FGFR2: variants seen among roughly 807,000 people sequenced by gnomAD.
FGFR2 encodes BEK fibroblast growth factor receptor.
Under a neutral mutation model 95.9 loss-of-function variants are expected in FGFR2, and 19 were observed. The ratio of observed to expected loss-of-function variants is 0.20; its 90% CI spans 0.14 to 0.29. FGFR2 has a LOEUF of 0.29. Ranked by LOEUF, FGFR2 falls within the 10% of genes least tolerant of loss-of-function variation. FGFR2 has a pLI of 1.00. For missense variants in FGFR2, 707 were observed against 1,056.9 expected, an observed-to-expected ratio of 0.67 and a Z score of 4.59; for synonymous variants, 392 against 393.3, an observed-to-expected ratio of 1.00 and a Z score of 0.04.
intron 5 of FGFR2, 55 bp from the exon 6 acceptor site, chr10:121,538,770 G>C (rs2134612116): frequency 6.2e-7 from 1 of 1,611,192 alleles, no homozygotes; most frequent in Non-Finnish European, 8.5e-7. Context: ...AGAATACCAA[G>C]TACTGTGCTT....
chr10:121,490,439 T>C (rs553432900), intron 13 of FGFR2, among the ~76,000 whole-genome samples: 2 of 152,270 alleles, frequency 1.3e-5, no homozygotes, highest in South Asian at 2.1e-4. Flanking sequence ...ACTGGGATTA[T>C]AGGCGTGAGC....
At chr10:121,529,019 C>A (rs1044456941) in intron 6 of FGFR2, among the ~76,000 whole-genome samples, 1 of 152,176 alleles carries the variant, frequency 6.6e-6, no homozygotes, top group Non-Finnish European at 1.5e-5. Context: ...CTCTGCCTCC[C>A]GGGTACAAGC....
At chr10:121,580,790 T>C (rs1860733181) in intron 2 of FGFR2, among the ~76,000 whole-genome samples, 1 of 152,276 alleles carries the variant, frequency 6.6e-6, no homozygotes, top group South Asian at 2.1e-4. Flanking sequence ...TCTTCCCTGC[T>C]CCAAACCGCA....
At chr10:121,503,360 A>G (rs1463152954) in intron 10 of FGFR2, among the ~76,000 whole-genome samples, 1 of 152,256 alleles carries the variant, frequency 6.6e-6, no homozygotes, top group Non-Finnish European at 1.5e-5. Context: ...GAGAACAGCA[A>G]CACTGGGTAG....
At chr10:121,549,496 C>A (rs1855056442) in intron 5 of FGFR2, among the ~76,000 whole-genome samples, 1 of 152,210 alleles carries the variant, frequency 6.6e-6, no homozygotes, top group Non-Finnish European at 1.5e-5. Context: ...CGGTGATCCC[C>A]TTGTCTCCTG....
chr10:121,509,411 G>T (rs1248427129), intron 9 of FGFR2, among the ~76,000 whole-genome samples: 1 of 123,936 alleles, frequency 8.1e-6, no homozygotes. Context: ...GGGAGATTAA[G>T]TGAGGAAGTG....
Position 121,531,838 on chromosome 10 carries a change from G to A in FGFR2, c.748+6754C>T, listed in dbSNP as rs1330735434. Reference sequence around the variant, plus strand: ...ACCCTTAGGGGTTGTCTGTGACAGCGATGGTTTATAAGAACAGGATGAGAT... The same window carrying A: ...ACCCTTAGGGGTTGTCTGTGACAGCAATGGTTTATAAGAACAGGATGAGAT... On this transcript the variant is annotated intron_variant, in intron 6 of 17. Transcript: ENST00000358487. This position sits in a 1 kb window ranked among gnomAD's most constrained non-coding sequence, Gnocchi z 4.5. 1.3e-5 allele frequency among the ~76,000 whole-genome samples: 2 copies of A among 152,174 alleles called. No homozygotes were observed. Among genetic ancestry groups the A allele is most frequent in the African/African-American group, 4.8e-5 (2 of 41,452 alleles).
chr10:121,517,309 C>T lies in FGFR2; in HGVS notation c.1084+10G>A. 1 of 1,614,086 alleles carries T rather than the reference C, an allele frequency of 6.2e-7. No individual in the cohort carries two copies. Among genetic ancestry groups the T allele is most frequent in the Non-Finnish European group, 8.5e-7 (1 of 1,179,978 alleles). On this transcript the variant is annotated intron_variant, in intron 8 of 17. Coordinates refer to ENST00000358487, the MANE Select transcript of FGFR2 (RefSeq NM_000141.5). The surrounding 1 kb of genome is among the most constrained non-coding windows in gnomAD (Gnocchi z 4.7). Reference sequence around the variant, plus strand: ...GGGAAAAAAACCCAGAGAGAAAGAACAGTATATACCTGGCAGAACTGTCAA... The same window carrying T: ...GGGAAAAAAACCCAGAGAGAAAGAATAGTATATACCTGGCAGAACTGTCAA...
At chr10:121,521,786 C>T (rs1387072166) in intron 6 of FGFR2, among the ~76,000 whole-genome samples, 2 of 152,266 alleles carry the variant, frequency 1.3e-5, no homozygotes, top group African/African-American at 4.8e-5. Flanking sequence ...ACAGAACTAC[C>T]CTAAGATCCT....
At chr10:121,578,051 A>G (rs2135314228) in intron 2 of FGFR2, among the ~76,000 whole-genome samples, 1 of 152,172 alleles carries the variant, frequency 6.6e-6, no homozygotes, top group South Asian at 2.1e-4. Flanking sequence ...TACAGGCAAA[A>G]CTGCATCCCA....
At chr10:121,490,607 A>C (rs968334655) in intron 13 of FGFR2, among the ~76,000 whole-genome samples, 6 of 152,156 alleles carry the variant, frequency 3.9e-5, no homozygotes, top group Non-Finnish European at 7.4e-5. Context: ...ATAAGACACA[A>C]AGAAGCAAAT....
chr10:121,524,144 A>ATC (rs1850988411), intron 6 of FGFR2, among the ~76,000 whole-genome samples: 1 of 129,168 alleles, frequency 7.7e-6, no homozygotes, highest in South Asian at 2.5e-4. Context: ...ACACACACAC[A>ATC]CACCCCAAGT....
chr10:121,533,710 C>T (rs1852401387), intron 6 of FGFR2, among the ~76,000 whole-genome samples: 1 of 152,210 alleles, frequency 6.6e-6, no homozygotes, highest in Admixed American at 6.5e-5. Context: ...CGGGCTGTGG[C>T]AGTCACTACT....
chr10:121,505,339 T>A (rs1848130048), intron 9 of FGFR2, among the ~76,000 whole-genome samples: 1 of 152,226 alleles, frequency 6.6e-6, no homozygotes, highest in African/African-American at 2.4e-5. Context: ...TGGGCCATTT[T>A]TCACATAGAA....
chr10:121,524,142 A>C lies in FGFR2; in HGVS notation c.749-3973T>G, dbSNP rs1446800661. On this transcript the variant is annotated intron_variant, in intron 6 of 17. Transcript: ENST00000358487. The stretch of plus-strand genomic sequence containing the variant: ...CACACACACACACACACACACACAC[A>C]CACACCCCAAGTTTGCAATGGTTTA... 3.8e-3 allele frequency among the ~76,000 whole-genome samples: 482 copies of C among 125,886 alleles called. 6 individuals carry two copies. The highest frequency in any genetic ancestry group is 0.021 in the South Asian group (79 of 3,832). The allele number at this position is 125,886 out of a possible 152,430, so 82.6% of individuals were successfully genotyped here.
chr10:121,551,227 A>T, intron 5 of FGFR2, 63 bp downstream of exon 5: 1 of 1,595,722 alleles, frequency 6.3e-7, no homozygotes, highest in South Asian at 1.1e-5. Flanking sequence ...CGCAAAAAAA[A>T]AATGTAAATA....
chr10:121,569,850 G>T (rs1184716692), intron 2 of FGFR2, among the ~76,000 whole-genome samples: 1 of 152,236 alleles, frequency 6.6e-6, no homozygotes, highest in Non-Finnish European at 1.5e-5. Context: ...TTGGGGATCA[G>T]CGGTGCCTTT....
At chr10:121,577,304 T>C (rs1860060575) in intron 2 of FGFR2, among the ~76,000 whole-genome samples, 1 of 141,506 alleles carries the variant, frequency 7.1e-6, no homozygotes, top group South Asian at 2.3e-4. Context: ...ATAAATGAGA[T>C]AGGACACAGA....
chr10:121,524,585 AC>A (rs1851071912), intron 6 of FGFR2, among the ~76,000 whole-genome samples: 1 of 152,186 alleles, frequency 6.6e-6, no homozygotes, highest in East Asian at 1.9e-4. Flanking sequence ...CTCCTCTCGA[AC>A]CCTTCAGCGA....
Sources: gnomAD v4.1 joint callset for allele counts (sites outside exome capture counted in the v4.1 genomes callset) on GRCh38, gnomAD v4.1.1 for gene constraint, Gnocchi (gnomAD v3.1) non-coding constraint, MANE v1.5 for transcripts, NCBI Gene and HGNC (gene_info 2026-07-23, HGNC 2026-07-21) for gene names.